SLX4IP: variants seen among roughly 807,000 people sequenced by gnomAD.
SLX4IP encodes SLX4 interacting protein, also known as protein SLX4IP.
In SLX4IP, 34 loss-of-function variants were observed where a neutral mutation model predicts 32.9. That is an observed-to-expected ratio of 1.03 (90% confidence interval 0.79 to 1.38). The LOEUF is 1.38. Ranked by LOEUF, SLX4IP falls within the 40% of genes most tolerant of loss-of-function variation. The probability of loss-of-function intolerance (pLI) is 0.00; values close to 1 mark genes in which losing one functional copy is unlikely to be tolerated. For synonymous variants in SLX4IP, 172 were observed against 171.7 expected, an observed-to-expected ratio of 1.00 and a Z score of -0.01; for missense variants, 444 against 479.0, an observed-to-expected ratio of 0.93 and a Z score of 0.68.
rs1055914265 is a variant in SLX4IP, at chr20:10,627,279, A to G, written c.*3900A>G. The G allele has an allele frequency of 9.2e-5, 14 of 152,352 alleles. No homozygotes were observed. Among genetic ancestry groups the G allele is most frequent in the African/African-American group, 3.4e-4 (14 of 41,576 alleles). The allele number at this position is 152,352 out of a possible 1,614,324, so 9.4% of individuals were successfully genotyped here. A position where few individuals can be genotyped will look rare whatever the true frequency, so the allele number is the denominator to read the frequency against. ...TTTCCATGCTTGGTTTGTCAAGACA[A>G]GAGAATTCATTCCTTATTATTGAAA... is the stretch of plus-strand genomic sequence containing the variant. On this transcript the variant is annotated 3_prime_UTR_variant, in exon 8 of 8. Coordinates refer to ENST00000334534, the MANE Select transcript of SLX4IP (RefSeq NM_001009608.3).
rs1555805196 is a variant in SLX4IP, at chr20:10,452,680, A to ATATATAT, written c.-29-5496_-29-5495insTATATAT. ...AAACTGTCTCAAAAAAAAAAAAAAA[A>ATATATAT]ATATATATATATATATGTAAATTAG... On this transcript the variant is annotated intron_variant, in intron 1 of 7. Transcript: ENST00000334534. 3.7e-3 allele frequency among the ~76,000 whole-genome samples: 406 copies of ATATATAT among 109,460 alleles called. 1 individual carries two copies. Among genetic ancestry groups the ATATATAT allele is most frequent in the Admixed American group, 9.9e-3 (95 of 9,562 alleles). 71.8% of individuals were successfully genotyped at this position (109,460 alleles called of 152,430 possible). A position where few individuals can be genotyped will look rare whatever the true frequency, so the allele number is the denominator to read the frequency against.
At chr20:10,618,600 A>T (rs1285608686) in intron 6 of SLX4IP, among the ~76,000 whole-genome samples, 2 of 152,114 alleles carry the variant, frequency 1.3e-5, no homozygotes, top group African/African-American at 2.4e-5. Flanking sequence ...GTCTCCATGG[A>T]CTCAGAATGT....
At chr20:10,547,783 A>C (rs990983467) in intron 2 of SLX4IP, among the ~76,000 whole-genome samples, 2 of 152,154 alleles carry the variant, frequency 1.3e-5, no homozygotes, top group Non-Finnish European at 2.9e-5. Flanking sequence ...CTTAATTTTC[A>C]TCACTGATAT....
chr20:10,479,858 G>C (rs1267338869), intron 2 of SLX4IP, among the ~76,000 whole-genome samples: 2 of 151,560 alleles, frequency 1.3e-5, no homozygotes, highest in Non-Finnish European at 2.9e-5. Context: ...ACAAAAATTA[G>C]CTGGGCGTGG....
intron 4 of SLX4IP, among the ~76,000 whole-genome samples, chr20:10,566,472 G>C (rs893872092): frequency 9.2e-5 from 14 of 151,946 alleles, no homozygotes; most frequent in Non-Finnish European, 1.5e-4. Flanking sequence ...ATCATCCTTT[G>C]AGTACTAAGG....
chr20:10,528,385 A>G (rs1226566804), intron 2 of SLX4IP, among the ~76,000 whole-genome samples: 1 of 152,166 alleles, frequency 6.6e-6, no homozygotes, highest in Non-Finnish European at 1.5e-5. Context: ...GAATCATTCA[A>G]ATGGGATTTG....
chr20:10,533,341 C>T (rs372646958), intron 2 of SLX4IP, among the ~76,000 whole-genome samples: 19 of 152,222 alleles, frequency 1.2e-4, no homozygotes, highest in East Asian at 5.8e-4. Flanking sequence ...CTTGCTCTGT[C>T]GCCCAGGCTG....
At chr20:10,581,010 C>A (rs144585891) in intron 4 of SLX4IP, among the ~76,000 whole-genome samples, 1 of 151,542 alleles carries the variant, frequency 6.6e-6, no homozygotes, top group East Asian at 2.0e-4. Context: ...GGCCTTAATG[C>A]CATTTCTAAG....
chr20:10,480,352 A>G (rs1283062080), intron 2 of SLX4IP, among the ~76,000 whole-genome samples: 2 of 151,644 alleles, frequency 1.3e-5, no homozygotes, highest in Non-Finnish European at 2.9e-5. Context: ...GTGAGTTGTG[A>G]TTGAGCTACT....
In SLX4IP at chr20:10,622,867, A is replaced by C. The variant is rs775824820; in HGVS notation, c.715A>C (p.Lys239Gln). 1 of 1,614,066 alleles carries C rather than the reference A, an allele frequency of 6.2e-7. No individual in the cohort carries two copies. Among genetic ancestry groups the C allele is most frequent in the South Asian group, 1.1e-5 (1 of 91,078 alleles). Residue 239 changes from lysine (K) to glutamine (Q), a missense_variant, in exon 8 of 8, where the codon AAG (lysine) becomes CAG (glutamine). Lys to Gln is a moderately conservative substitution (Grantham distance 53). Transcript: ENST00000334534. ...GAGCCACTGGGGGCTTCCTGTTCAA[A>C]AGCTGGAAAAAGTTAATCAGACCCA... ...AESHWGLPVQ[K>Q]LEKVNQTQPE...
rs920829356 is a variant in SLX4IP at position 10,622,779 on chromosome 20, G to A, written c.627G>A (p.Gln209=). 3 of 1,614,160 alleles carry A rather than the reference G, an allele frequency of 1.9e-6. No homozygotes were observed. Among genetic ancestry groups the A allele is most frequent in the South Asian group, 2.2e-5 (2 of 91,080 alleles). ...TAGCAAGGAGGAGGAATGATGGTCAGGCTTCCTCCAGTCCCCCATCAGAAT... is the reference window on the plus strand; with the variant it reads ...TAGCAAGGAGGAGGAATGATGGTCAAGCTTCCTCCAGTCCCCCATCAGAAT... The part of the protein sequence containing the change: ...AEIARRRNDG[Q]ASSSPPSESM... The change falls in exon 8 of 8, where the codon CAG becomes CAA. Residue 209 remains glutamine, a synonymous_variant. Transcript: ENST00000334534.
At chr20:10,594,733 C>A (rs781627218) in intron 4 of SLX4IP, among the ~76,000 whole-genome samples, 6 of 152,126 alleles carry the variant, frequency 3.9e-5, no homozygotes, top group Non-Finnish European at 5.9e-5. Context: ...TTGTTCAATT[C>A]ATATTTGAGT....
At chr20:10,607,722 A>C (rs1023909078) in intron 6 of SLX4IP, among the ~76,000 whole-genome samples, 2 of 152,064 alleles carry the variant, frequency 1.3e-5, no homozygotes, top group African/African-American at 4.8e-5. Flanking sequence ...GAGGATGAAG[A>C]TGTCCTCTGT....
intron 2 of SLX4IP, among the ~76,000 whole-genome samples, chr20:10,535,320 C>T (rs2066030752): frequency 1.3e-5 from 2 of 151,990 alleles, no homozygotes; most frequent in African/African-American, 2.4e-5. Flanking sequence ...AAAGAACGTG[C>T]AGGTTTTGTT....
intron 1 of SLX4IP, among the ~76,000 whole-genome samples, chr20:10,450,639 C>T (rs954849914): frequency 6.6e-6 from 1 of 152,146 alleles, no homozygotes; most frequent in South Asian, 2.1e-4. Context: ...AGGATCTCAT[C>T]ACATAGGAGG....
chr20:10,588,245 G>A (rs150173187), intron 4 of SLX4IP, among the ~76,000 whole-genome samples: 2 of 152,248 alleles, frequency 1.3e-5, no homozygotes, highest in East Asian at 3.9e-4. Flanking sequence ...TTGTAAACAG[G>A]TATATGGAAA....
At chr20:10,541,256 T>A (rs1009141775) in intron 2 of SLX4IP, among the ~76,000 whole-genome samples, 1 of 152,230 alleles carries the variant, frequency 6.6e-6, no homozygotes, top group Admixed American at 6.5e-5. Flanking sequence ...CAAAGAAATT[T>A]CCCAGGTTAG....
chr20:10,622,776 T>A lies in SLX4IP; in HGVS notation c.624T>A (p.Gly208=). The change falls in exon 8 of 8, where the codon GGT becomes GGA. Residue 208 remains glycine (G), a synonymous_variant. Transcript: ENST00000334534. The stretch of plus-strand genomic sequence containing the variant: ...AGATAGCAAGGAGGAGGAATGATGG[T>A]CAGGCTTCCTCCAGTCCCCCATCAG... The part of the protein sequence containing the change: ...IAEIARRRND[G]QASSSPPSES... 1 of 1,614,142 alleles carries A rather than the reference T, an allele frequency of 6.2e-7. No individual in the cohort carries two copies. Among genetic ancestry groups the A allele is most frequent in the South Asian group, 1.1e-5 (1 of 91,082 alleles).
intron 1 of SLX4IP, among the ~76,000 whole-genome samples, chr20:10,438,875 T>A (rs529579478): frequency 5.6e-4 from 85 of 151,874 alleles, no homozygotes; most frequent in Non-Finnish European, 1.1e-3. Context: ...TTTTTTTTTT[T>A]AATTTTTATT....
Sources: allele counts gnomAD v4.1 joint callset (sites outside exome capture counted in the v4.1 genomes callset), GRCh38; gene constraint gnomAD v4.1.1; transcripts MANE v1.5; gene names NCBI Gene and HGNC (gene_info 2026-07-23, HGNC 2026-07-21).